The following COL19A1 variants were observed in gnomAD, a reference collection of about 807,000 sequenced individuals.
The protein encoded by COL19A1 is collagen alpha-1(XIX) chain.
A neutral mutation model predicts 190.2 loss-of-function variants in COL19A1; 159 were observed. That is an observed-to-expected ratio of 0.84 (90% CI 0.73 to 0.95). The LOEUF (loss-of-function observed/expected upper bound fraction) is 0.95, where lower values mean the gene tolerates loss of function less well. COL19A1 is among the 40% of genes least tolerant of loss of function. The probability of loss-of-function intolerance (pLI) is 0.00; values close to 1 mark genes in which losing one functional copy is unlikely to be tolerated. For missense variants in COL19A1, 1,418 were observed against 1,431.9 expected (o/e 0.99, Z 0.16); for synonymous variants, 509 against 458.9 (o/e 1.11, Z -1.39).
intron 11 of COL19A1, among the ~76,000 whole-genome samples, chr6:70,000,507 T>C (rs772648021): frequency 3.3e-5 from 5 of 152,178 alleles, no homozygotes; most frequent in Non-Finnish European, 7.3e-5. Flanking sequence ...CATTCCTATT[T>C]CTCCACAGCC....
At chr6:69,969,540 A>T (rs1452640760) in intron 11 of COL19A1, among the ~76,000 whole-genome samples, 1 of 152,244 alleles carries the variant, frequency 6.6e-6, no homozygotes, top group African/African-American at 2.4e-5. Flanking sequence ...ATATTGAGAA[A>T]TAAAAATTAA....
chr6:70,210,779 CT>C lies in COL19A1; in HGVS notation c.*3513del, dbSNP rs960731114. Among the ~76,000 whole-genome samples, 3 of 151,878 alleles carry C rather than the reference CT, an allele frequency of 2.0e-5. No homozygotes were observed. Among genetic ancestry groups the C allele is most frequent in the South Asian group, 2.1e-4 (1 of 4,820 alleles). ...ACTAAATCAGACTCTTGCCTTTGCA[CT>C]TTTTTTTAACTTTTGTAGATAATTT... On this transcript the variant is annotated 3_prime_UTR_variant, in exon 51 of 51. Coordinates refer to ENST00000620364, the MANE Select transcript of COL19A1 (RefSeq NM_001858.6).
At chr6:70,139,083 A>C (rs1014970600) in intron 19 of COL19A1, among the ~76,000 whole-genome samples, 7 of 152,106 alleles carry the variant, frequency 4.6e-5, no homozygotes, top group African/African-American at 1.7e-4. Flanking sequence ...TAAAAATTTT[A>C]CTGGAAAATC....
At chr6:70,076,597 T>A (rs1582852175) in intron 15 of COL19A1, among the ~76,000 whole-genome samples, 1 of 152,182 alleles carries the variant, frequency 6.6e-6, no homozygotes, top group East Asian at 1.9e-4. Flanking sequence ...CTGCTCTTTT[T>A]TTCTCAGGAG....
chr6:70,135,624 A>T (rs1785816467), intron 18 of COL19A1, among the ~76,000 whole-genome samples: 1 of 152,170 alleles, frequency 6.6e-6, no homozygotes, highest in South Asian at 2.1e-4. Context: ...AGCTTTTCAG[A>T]AAAGAAAGAT....
chr6:70,206,027 T>C (rs1343489767), intron 49 of COL19A1, among the ~76,000 whole-genome samples: 5 of 152,244 alleles, frequency 3.3e-5, no homozygotes, highest in Non-Finnish European at 7.3e-5. Flanking sequence ...GTTGATCATT[T>C]GAACACAGAC....
At chr6:70,046,345 C>T (rs1236383147) in intron 14 of COL19A1, among the ~76,000 whole-genome samples, 5 of 152,204 alleles carry the variant, frequency 3.3e-5, no homozygotes, top group Non-Finnish European at 1.5e-5. Flanking sequence ...CTCTTCTTTT[C>T]GGAATCTCCA....
intron 46 of COL19A1, among the ~76,000 whole-genome samples, chr6:70,185,134 G>C (rs776634782): frequency 6.6e-6 from 1 of 152,162 alleles, no homozygotes; most frequent in Non-Finnish European, 1.5e-5. Context: ...ACACAGCCAA[G>C]TATACTTTGC....
intron 4 of COL19A1, among the ~76,000 whole-genome samples, chr6:69,907,053 G>A (rs1168707541): frequency 6.6e-6 from 1 of 150,822 alleles, no homozygotes; most frequent in East Asian, 1.9e-4. Context: ...TTATCCCATG[G>A]GACTACCTTT....
At chr6:69,959,231 A>G (rs904141089) in intron 9 of COL19A1, among the ~76,000 whole-genome samples, 1 of 152,214 alleles carries the variant, frequency 6.6e-6, no homozygotes, top group African/African-American at 2.4e-5. Flanking sequence ...GACAGAAACC[A>G]GATGAACAGG....
intron 15 of COL19A1, among the ~76,000 whole-genome samples, chr6:70,072,758 T>A (rs1026068360): frequency 1.2e-4 from 19 of 152,160 alleles, no homozygotes; most frequent in African/African-American, 4.6e-4. Flanking sequence ...TACCTACCCC[T>A]GCCCCCGTCA....
rs1251605002 is a variant in COL19A1, at chr6:70,207,762, T to C, written c.*488T>C. 6.6e-6 allele frequency: 1 copy of C among 152,326 alleles called. No individual in the cohort carries two copies. Among genetic ancestry groups the C allele is most frequent in the South Asian group, 2.1e-4 (1 of 4,824 alleles). 9.4% of individuals were successfully genotyped at this position (152,326 alleles called of 1,614,324 possible). A position where few individuals can be genotyped will look rare whatever the true frequency, so the allele number is the denominator to read the frequency against. On this transcript the variant is annotated 3_prime_UTR_variant, in exon 51 of 51. Coordinates refer to ENST00000620364, the MANE Select transcript of COL19A1 (RefSeq NM_001858.6). ...TGCATTGCTCCTGTTGAATGTTTTT[T>C]GACTACTTTTTATAACTTAAGAATT...
At chr6:70,188,585 A>G (rs1297420381) in intron 47 of COL19A1, among the ~76,000 whole-genome samples, 1 of 152,160 alleles carries the variant, frequency 6.6e-6, no homozygotes, top group Non-Finnish European at 1.5e-5. Flanking sequence ...CGCTTTTAAC[A>G]TACAGGTACT....
intron 2 of COL19A1, among the ~76,000 whole-genome samples, chr6:69,888,809 T>G (rs1769128602): frequency 1.3e-5 from 2 of 152,072 alleles, no homozygotes; most frequent in South Asian, 4.1e-4. Context: ...GTGTTCCCAT[T>G]TTTTCTTGTT....
chr6:69,893,506 G>A (rs1433523888), intron 2 of COL19A1, among the ~76,000 whole-genome samples: 1 of 152,072 alleles, frequency 6.6e-6, no homozygotes, highest in East Asian at 1.9e-4. Flanking sequence ...AGGAGTCTGG[G>A]GAGTCATGCC....
chr6:69,881,755 A>T (rs971470186), intron 2 of COL19A1, among the ~76,000 whole-genome samples: 5 of 152,250 alleles, frequency 3.3e-5, no homozygotes, highest in Admixed American at 6.5e-5. Context: ...TGTTTTTATC[A>T]TGCTATTTGG....
intron 15 of COL19A1, among the ~76,000 whole-genome samples, chr6:70,090,804 A>G (rs1007580867): frequency 1.3e-5 from 2 of 152,132 alleles, no homozygotes; most frequent in African/African-American, 4.8e-5. Context: ...AGCACTCACC[A>G]TAATCTACAA....
At chr6:70,101,549 T>G (rs1381121608) in intron 15 of COL19A1, among the ~76,000 whole-genome samples, 1 of 152,080 alleles carries the variant, frequency 6.6e-6, no homozygotes, top group Non-Finnish European at 1.5e-5. Flanking sequence ...CTTAACCATC[T>G]AAAGGGAAGA....
intron 15 of COL19A1, among the ~76,000 whole-genome samples, chr6:70,070,837 A>G (rs1436576744): frequency 6.6e-6 from 1 of 152,082 alleles, no homozygotes; most frequent in East Asian, 1.9e-4. Context: ...TAATTTTTCT[A>G]TTTCACTAAA....
Sources: allele counts gnomAD v4.1 joint callset (sites outside exome capture counted in the v4.1 genomes callset), GRCh38; gene constraint gnomAD v4.1.1; transcripts MANE v1.5; gene names NCBI Gene and HGNC (gene_info 2026-07-23, HGNC 2026-07-21).